The following ERC2 variants were observed in gnomAD, a reference collection of about 807,000 sequenced individuals.
ERC2 encodes the protein ERC protein 2.
Under a neutral mutation model 114.8 loss-of-function variants are expected in ERC2, and 42 were observed. The ratio of observed to expected loss-of-function variants is 0.37; its 90% CI spans 0.29 to 0.47. ERC2 has a LOEUF of 0.47. Among genes scored for constraint, ERC2 ranks in the 20% least tolerant of loss-of-function variants. The pLI is 0.99. For missense variants in ERC2, 939 were observed against 1,150.7 expected (o/e 0.82, Z 2.66); for synonymous variants, 454 against 425.5 (o/e 1.07, Z -0.82).
In ERC2 at chr3:56,162,936, A is replaced by G. The variant is rs2082130623; in HGVS notation, c.1149+10510T>C. Among the ~76,000 whole-genome samples, 2 of 150,722 alleles carry G rather than the reference A, an allele frequency of 1.3e-5. 1 individual carries two copies. The highest frequency in any genetic ancestry group is 4.2e-4 in the South Asian group (2 of 4,760). ...GGGGTAAGTTTGCTCTTGTTTTTCT[A>G]GTTTTTCTAGGTGTGATGTTAGATT... On this transcript the variant is annotated intron_variant, in intron 4 of 17. Transcript: ENST00000288221.
intron 14 of ERC2, among the ~76,000 whole-genome samples, chr3:55,856,761 A>G (rs1337000290): frequency 6.6e-6 from 1 of 152,212 alleles, no homozygotes; most frequent in African/African-American, 2.4e-5. Context: ...AGAGCGGAAA[A>G]AATCCAAATG....
intron 7 of ERC2, among the ~76,000 whole-genome samples, chr3:56,058,404 C>T (rs1450645637): frequency 6.6e-6 from 1 of 152,172 alleles, no homozygotes; most frequent in African/African-American, 2.4e-5. Context: ...TAGTGTCATC[C>T]CCACCAACTC....
intron 13 of ERC2, among the ~76,000 whole-genome samples, chr3:55,928,002 C>G (rs2065847972): frequency 1.3e-5 from 2 of 152,226 alleles, no homozygotes; most frequent in African/African-American, 4.8e-5. Context: ...TTTATCCACT[C>G]ATCTGTTGAT....
intron 2 of ERC2, among the ~76,000 whole-genome samples, chr3:56,330,703 T>C (rs1364911676): frequency 6.6e-6 from 1 of 152,192 alleles, no homozygotes; most frequent in Non-Finnish European, 1.5e-5. Flanking sequence ...CAATGGAGCA[T>C]TTTGGATTTC....
At chr3:56,295,871 TG>T in intron 3 of ERC2, 147 bp downstream of exon 3, 1 of 811,696 alleles carries the variant, frequency 1.2e-6, no homozygotes. Context: ...TCCAGTTTAA[TG>T]GTCTTAAGCC....
chr3:55,571,227 G>A (rs1232166979), intron 17 of ERC2, among the ~76,000 whole-genome samples: 1 of 151,056 alleles, frequency 6.6e-6, no homozygotes, highest in Non-Finnish European at 1.5e-5. Context: ...GTGCACAACT[G>A]TGCTCCTGAC....
chr3:55,647,166 T>G (rs532831441), intron 17 of ERC2: 6 of 148,998 alleles, frequency 4.0e-5, no homozygotes, highest in African/African-American at 1.6e-4. Context: ...CATTAGTATT[T>G]AGTGACCTCC....
chr3:55,934,115 G>A (rs1276193170), intron 13 of ERC2, among the ~76,000 whole-genome samples: 1 of 152,296 alleles, frequency 6.6e-6, no homozygotes, highest in East Asian at 1.9e-4. Context: ...TATACCATAT[G>A]TGCATGTGTG....
chr3:55,561,002 ACCT>A (rs1357837461), intron 17 of ERC2, among the ~76,000 whole-genome samples: 2 of 151,770 alleles, frequency 1.3e-5, no homozygotes, highest in African/African-American at 4.8e-5. Context: ...GGCCCTCCAC[ACCT>A]CCTCTTCATG....
chr3:55,645,598 G>A (rs1297182299), intron 17 of ERC2, among the ~76,000 whole-genome samples: 1 of 152,152 alleles, frequency 6.6e-6, no homozygotes, highest in African/African-American at 2.4e-5. Context: ...CAAGTGTTGT[G>A]CAATCTATTT....
At chr3:55,796,587 A>G (rs533881464) in intron 14 of ERC2, among the ~76,000 whole-genome samples, 135 of 152,222 alleles carry the variant, frequency 8.9e-4, no homozygotes, top group African/African-American at 3.2e-3. Context: ...CACTACGCCC[A>G]GCTAACTTTT....
At chr3:55,841,935 C>G (rs2061152895) in intron 14 of ERC2, among the ~76,000 whole-genome samples, 1 of 152,116 alleles carries the variant, frequency 6.6e-6, no homozygotes, top group African/African-American at 2.4e-5. Flanking sequence ...TAATAGTCAG[C>G]CTAGCCTGAA....
intron 13 of ERC2, among the ~76,000 whole-genome samples, chr3:55,916,779 T>A (rs1301414321): frequency 2.6e-5 from 4 of 152,146 alleles, no homozygotes; most frequent in Non-Finnish European, 1.5e-5. Context: ...TATATTACAA[T>A]CTCCAACTCT....
rs563096618 is a variant in ERC2, at chr3:55,608,934, T to C, written c.*39+74860A>G. On this transcript the variant is annotated intron_variant, in intron 17 of 17. Coordinates refer to ENST00000288221, the MANE Select transcript of ERC2 (RefSeq NM_015576.3). ...AACTGGTCTAGATTCTTTGAGACTT[T>C]AGAAGCTAAACTGAATTCATTCCCA... Among the ~76,000 whole-genome samples the C allele has an allele frequency of 8.5e-5, 13 of 152,324 alleles. 1 individual carries two copies. In the South Asian group the frequency reaches 2.3e-3, roughly 27 times the overall value.
At chr3:55,807,036 G>T (rs2059520953) in intron 14 of ERC2, among the ~76,000 whole-genome samples, 1 of 152,156 alleles carries the variant, frequency 6.6e-6, no homozygotes, top group African/African-American at 2.4e-5. Context: ...GGCTAAAGAA[G>T]CTCCAAGAAG....
intron 14 of ERC2, among the ~76,000 whole-genome samples, chr3:55,864,900 T>C (rs2062230202): frequency 6.6e-6 from 1 of 152,130 alleles, no homozygotes; most frequent in Admixed American, 6.6e-5. Flanking sequence ...GCCATAATCA[T>C]TGTTGTCCAT....
chr3:55,948,037 G>A (rs1576318254), intron 13 of ERC2, among the ~76,000 whole-genome samples: 1 of 152,186 alleles, frequency 6.6e-6, no homozygotes, highest in South Asian at 2.1e-4. Context: ...GTTTGACTGA[G>A]GTGACGCAGG....
intron 6 of ERC2, among the ~76,000 whole-genome samples, chr3:56,129,840 T>G (rs1560221705): frequency 6.6e-6 from 1 of 152,206 alleles, no homozygotes; most frequent in Non-Finnish European, 1.5e-5. Context: ...ACACAGATTA[T>G]GAACAGATTT....
At chr3:56,217,670 TG>T in intron 3 of ERC2, among the ~76,000 whole-genome samples, 1 of 152,124 alleles carries the variant, frequency 6.6e-6, no homozygotes, top group Non-Finnish European at 1.5e-5. Context: ...AAAAACAGCC[TG>T]CATTGCCAAG....
Sources: allele counts gnomAD v4.1 joint callset (sites outside exome capture counted in the v4.1 genomes callset), GRCh38; gene constraint gnomAD v4.1.1; transcripts MANE v1.5; gene names NCBI Gene and HGNC (gene_info 2026-07-23, HGNC 2026-07-21).